The following EYS variants were observed in gnomAD, a reference collection of about 807,000 sequenced individuals.
EYS encodes EGF-like photoreceptor maintenance factor, also known as protein eyes shut homolog.
A neutral mutation model predicts 282.1 loss-of-function variants in EYS; 250 were observed. The ratio of observed to expected loss-of-function variants is 0.89; its 90% CI spans 0.80 to 0.98. The LOEUF (loss-of-function observed/expected upper bound fraction) is 0.98. Among genes scored for constraint, EYS ranks in the 50% least tolerant of loss-of-function variants. EYS has a pLI of 0.00. For synonymous variants in EYS, 1,355 were observed against 1,282.9 expected (o/e 1.06, Z -1.20); for missense variants, 4,016 against 3,709.0 (o/e 1.08, Z -2.15).
intron 22 of EYS, among the ~76,000 whole-genome samples, chr6:64,784,240 T>C: frequency 6.6e-6 from 1 of 152,186 alleles, no homozygotes; most frequent in East Asian, 1.9e-4. Flanking sequence ...ATTTTTTAAA[T>C]TTCCTTCCTT....
chr6:65,288,116 CT>C (rs894681484), intron 12 of EYS, among the ~76,000 whole-genome samples: 41 of 150,992 alleles, frequency 2.7e-4, no homozygotes, highest in African/African-American at 9.2e-4. Flanking sequence ...AAATATTGGA[CT>C]TTTTAAATTC....
rs1393657170 is a variant in EYS at position 64,940,129 on chromosome 6, A to T, written c.2381+5664T>A. On this transcript the variant is annotated intron_variant, in intron 15 of 42. Transcript: ENST00000503581. Reference sequence around the variant, plus strand: ...GACAACTTATCCAGAGCAAAGACCCACTCTTTGAAACCATCCCCCAAAATA... The same window carrying T: ...GACAACTTATCCAGAGCAAAGACCCTCTCTTTGAAACCATCCCCCAAAATA... 2.6e-5 allele frequency among the ~76,000 whole-genome samples: 4 copies of T among 151,850 alleles called. No homozygotes were observed. The East Asian group carries it at 7.8e-4, about 29-fold the overall frequency.
At chr6:64,654,401 G>T (rs1768674031) in intron 22 of EYS, among the ~76,000 whole-genome samples, 1 of 152,108 alleles carries the variant, frequency 6.6e-6, no homozygotes, top group African/African-American at 2.4e-5. Flanking sequence ...GGAAAGACAG[G>T]CATCAAACAA....
intron 13 of EYS, among the ~76,000 whole-genome samples, chr6:65,000,876 T>A (rs1771440893): frequency 6.6e-6 from 1 of 152,226 alleles, no homozygotes; most frequent in African/African-American, 2.4e-5. Flanking sequence ...ATGCAGTGAT[T>A]TCTCATATAT....
At chr6:63,942,175 T>G (rs913116435) in intron 35 of EYS, among the ~76,000 whole-genome samples, 1 of 152,046 alleles carries the variant, frequency 6.6e-6, no homozygotes, top group Admixed American at 6.6e-5. Flanking sequence ...AGGAAGATAA[T>G]CCCAGTAGAG....
intron 12 of EYS, among the ~76,000 whole-genome samples, chr6:65,071,256 A>T (rs1476926465): frequency 6.6e-6 from 1 of 151,900 alleles, no homozygotes; most frequent in Non-Finnish European, 1.5e-5. Flanking sequence ...AATAATTTAA[A>T]TCCACTCTAG....
rs76266892 is a variant in EYS at position 65,702,073 on chromosome 6, G to T, written c.-448+5062C>A. ...CTTAACAAATCGTCACCACCACAGG[G>T]TAGGGAGATGATTAGGATCAGTTTT... is the stretch of plus-strand genomic sequence containing the variant. On this transcript the variant is annotated intron_variant, in intron 1 of 42. Coordinates refer to ENST00000503581, the MANE Select transcript of EYS (RefSeq NM_001142800.2). Among the ~76,000 whole-genome samples, 641 of 152,292 alleles carry T rather than the reference G, an allele frequency of 4.2e-3. 5 individuals carry two copies. The highest frequency in any genetic ancestry group is 0.015 in the African/African-American group (631 of 41,570).
At chr6:64,711,961 G>T (rs1348720756) in intron 22 of EYS, among the ~76,000 whole-genome samples, 1 of 152,140 alleles carries the variant, frequency 6.6e-6, no homozygotes, top group Non-Finnish European at 1.5e-5. Context: ...ATTAGGAAAG[G>T]GTAGGTATAT....
chr6:65,297,445 G>A (rs1357852020), intron 11 of EYS, among the ~76,000 whole-genome samples: 1 of 151,880 alleles, frequency 6.6e-6, no homozygotes, highest in East Asian at 1.9e-4. Flanking sequence ...CTTTCTTCTT[G>A]TAGTTGTAAA....
intron 11 of EYS, among the ~76,000 whole-genome samples, chr6:65,298,816 T>C (rs1768735750): frequency 6.6e-6 from 1 of 151,816 alleles, no homozygotes; most frequent in African/African-American, 2.4e-5. Context: ...TTTAATGATA[T>C]GTCTGAGATA....
At chr6:63,777,788 G>A (rs1001283787) in intron 40 of EYS, 1 of 482,110 alleles carries the variant, frequency 2.1e-6, no homozygotes, top group African/African-American at 1.9e-5. Context: ...GTGATTCACT[G>A]TCATTGTTTC....
At chr6:65,080,544 C>T (rs1458740527) in intron 12 of EYS, among the ~76,000 whole-genome samples, 2 of 151,932 alleles carry the variant, frequency 1.3e-5, no homozygotes, top group African/African-American at 2.4e-5. Flanking sequence ...TATTAGATAT[C>T]ATCATTTGGC....
intron 26 of EYS, among the ~76,000 whole-genome samples, chr6:64,556,797 T>C (rs1218122889): frequency 3.3e-5 from 5 of 151,858 alleles, no homozygotes; most frequent in African/African-American, 9.7e-5. Context: ...ATTGGAGACA[T>C]AGATCTTCAT....
chr6:64,926,234 C>T (rs918310438), intron 15 of EYS, among the ~76,000 whole-genome samples: 2 of 152,160 alleles, frequency 1.3e-5, no homozygotes, highest in East Asian at 3.9e-4. Context: ...GAGCACATAC[C>T]ACATTTGCCT....
chr6:63,974,596 TG>T (rs1297645293), intron 35 of EYS, among the ~76,000 whole-genome samples: 1 of 152,016 alleles, frequency 6.6e-6, no homozygotes, highest in Non-Finnish European at 1.5e-5. Flanking sequence ...TCCCCCTACT[TG>T]TTTGACCTTG....
At chr6:64,127,800 C>G (rs1384096661) in intron 31 of EYS, among the ~76,000 whole-genome samples, 3 of 152,038 alleles carry the variant, frequency 2.0e-5, no homozygotes, top group Admixed American at 6.5e-5. Context: ...GAAACTGTTT[C>G]AAGGAATCTT....
chr6:65,622,953 T>C (rs373121966), intron 2 of EYS, among the ~76,000 whole-genome samples: 4 of 152,124 alleles, frequency 2.6e-5, no homozygotes, highest in Admixed American at 2.0e-4. Context: ...AGCTGAGATC[T>C]GTCTATGTTG....
chr6:65,344,455 G>A (rs1452700283), intron 9 of EYS, among the ~76,000 whole-genome samples: 1 of 151,312 alleles, frequency 6.6e-6, no homozygotes, highest in African/African-American at 2.4e-5. Flanking sequence ...TGACTAAACT[G>A]TAATTAATAA....
chr6:65,390,442 G>T (rs548959859), intron 7 of EYS, among the ~76,000 whole-genome samples: 1 of 151,842 alleles, frequency 6.6e-6, no homozygotes, highest in African/African-American at 2.4e-5. Context: ...GGGAAAAAAT[G>T]GTTTGGATAT....
Sources: gnomAD v4.1 joint callset for allele counts (sites outside exome capture counted in the v4.1 genomes callset) on GRCh38, gnomAD v4.1.1 for gene constraint, MANE v1.5 for transcripts, NCBI Gene and HGNC (gene_info 2026-07-23, HGNC 2026-07-21) for gene names.